ABI3BP: variants seen among roughly 807,000 people sequenced by gnomAD.
ABI3BP encodes the protein ABI family member 3 binding protein.
Under a neutral mutation model 268.6 loss-of-function variants are expected in ABI3BP, and 216 were observed. The ratio of observed to expected loss-of-function variants is 0.80; its 90% CI spans 0.72 to 0.90. ABI3BP has a LOEUF of 0.90. ABI3BP is among the 40% of genes least tolerant of loss of function. The pLI is 0.00. For synonymous variants in ABI3BP, 730 were observed against 730.0 expected, an observed-to-expected ratio of 1.00 and a Z score of 0.00; for missense variants, 2,090 against 2,182.4, an observed-to-expected ratio of 0.96 and a Z score of 0.84.
At chr3:100,960,749 T>C (rs761160204) in intron 1 of ABI3BP, among the ~76,000 whole-genome samples, 2 of 152,178 alleles carry the variant, frequency 1.3e-5, no homozygotes, top group Non-Finnish European at 2.9e-5. Context: ...GTTGGTGGAC[T>C]CTAGAAGCTG....
chr3:100,795,212 C>T (rs1038909550), intron 53 of ABI3BP, among the ~76,000 whole-genome samples: 1 of 152,060 alleles, frequency 6.6e-6, no homozygotes, highest in Non-Finnish European at 1.5e-5. Flanking sequence ...ACATGACATT[C>T]TGTTCTTGAA....
At chr3:100,866,986 T>C (rs2099056752) in intron 9 of ABI3BP, 30 bp from the exon 10 acceptor site, 1 of 1,578,596 alleles carries the variant, frequency 6.3e-7, no homozygotes, top group Non-Finnish European at 8.7e-7. Context: ...ACAATTTATC[T>C]CACTTGCAGT....
chr3:100,960,186 G>T (rs1260342259), intron 1 of ABI3BP, among the ~76,000 whole-genome samples: 2 of 152,024 alleles, frequency 1.3e-5, no homozygotes, highest in Non-Finnish European at 2.9e-5. Flanking sequence ...GAATCAAAGT[G>T]AAATATCAGA....
intron 1 of ABI3BP, chr3:100,945,583 A>ACATGTTCTCTTCACAC: frequency 2.3e-6 from 1 of 435,936 alleles, no homozygotes; most frequent in Non-Finnish European, 4.5e-6. Flanking sequence ...GACTTACATG[A>ACATGTTCTCTTCACAC]CATGTTCTCT....
chr3:100,839,596 G>T lies in ABI3BP; in HGVS notation c.1918C>A (p.Gln640Lys). ...SKPALEPATI[Q>K]PEPLVPTTAS... ...GTTGTGGGCACCAAGGGCTCCGGTT[G>T]TATCGTGGCAGGTTCCAGAGCTACA... Residue 640 changes from glutamine to lysine, a missense_variant, in exon 24 of 68, where the codon CAA becomes AAA. By Grantham distance (53) the Gln-to-Lys change is moderately conservative. Coordinates refer to ENST00000471714, the MANE Select transcript of ABI3BP (RefSeq NM_001375547.2). 1 of 1,535,876 alleles carries T rather than the reference G, an allele frequency of 6.5e-7. No individual in the cohort carries two copies. Among genetic ancestry groups the T allele is most frequent in the South Asian group, 1.2e-5 (1 of 84,060 alleles).
At chr3:100,798,582 A>T (rs1411091683) in intron 51 of ABI3BP, among the ~76,000 whole-genome samples, 2 of 151,858 alleles carry the variant, frequency 1.3e-5, no homozygotes, top group Admixed American at 6.6e-5. Flanking sequence ...TTTAGATTTA[A>T]TTATATTAAC....
At chr3:100,905,386 A>C (rs897791871) in intron 2 of ABI3BP, among the ~76,000 whole-genome samples, 1 of 152,194 alleles carries the variant, frequency 6.6e-6, no homozygotes, top group Non-Finnish European at 1.5e-5. Context: ...TGTTGTGCAC[A>C]GGTACCCTAA....
chr3:100,820,380 T>G, intron 39 of ABI3BP, 77 bp from the exon 40 acceptor site: 1 of 1,167,496 alleles, frequency 8.6e-7, no homozygotes, highest in Non-Finnish European at 1.2e-6. Context: ...CGGTTTGAGA[T>G]CTCTTAAAAC....
At chr3:100,958,803 T>G (rs1157465391) in intron 1 of ABI3BP, among the ~76,000 whole-genome samples, 1 of 152,186 alleles carries the variant, frequency 6.6e-6, no homozygotes, top group African/African-American at 2.4e-5. Context: ...AGCCTGGAAA[T>G]GTAGACTATC....
At chr3:100,893,455 A>G (rs1470207730) in intron 4 of ABI3BP, among the ~76,000 whole-genome samples, 2 of 152,182 alleles carry the variant, frequency 1.3e-5, no homozygotes, top group African/African-American at 4.8e-5. Flanking sequence ...TTAAAGGGGC[A>G]AGAGGAAAAT....
rs572767079 is a variant in ABI3BP, at chr3:100,905,849, TAAATA to T, written c.260-3168_260-3164del. Reference sequence around the variant, plus strand: ...TTTTCTTTACTAAGACATCAAATAGTAAATAAAATAAATAAATAAAATCATGACAA... The same window carrying T: ...TTTTCTTTACTAAGACATCAAATAGTAAATAAATAAATAAAATCATGACAA... On this transcript the variant is annotated intron_variant, in intron 2 of 67. Coordinates refer to ENST00000471714, the MANE Select transcript of ABI3BP (RefSeq NM_001375547.2). Among the ~76,000 whole-genome samples, 221 of 152,066 alleles carry T rather than the reference TAAATA, an allele frequency of 1.5e-3. 1 individual carries two copies. Among genetic ancestry groups the T allele is most frequent in the Non-Finnish European group, 2.6e-3 (176 of 67,958 alleles).
intron 51 of ABI3BP, among the ~76,000 whole-genome samples, chr3:100,797,948 G>A (rs1204445655): frequency 6.6e-6 from 1 of 152,072 alleles, no homozygotes; most frequent in Non-Finnish European, 1.5e-5. Flanking sequence ...TAACATATGA[G>A]AAATTTCCAG....
At position 100,876,560 on chromosome 3, in the gene ABI3BP, G is replaced by A; in HGVS notation, c.697C>T (p.Pro233Ser). The A allele has an allele frequency of 1.2e-6, 2 of 1,612,872 alleles. No homozygotes were observed. Among genetic ancestry groups the A allele is most frequent in the South Asian group, 1.1e-5 (1 of 90,898 alleles). ...QSTYDQDHTV[P>S]AYVPRKLIPI... ...ATTAGTTTCCTTGGGACATATGCTG[G>A]CTGCAAAGAGAAGAAGAAAGTCAAC... The change falls in exon 7 of 68, where the codon CCA (proline) becomes TCA (serine). Residue 233 changes from proline to serine, a missense_variant and splice_region_variant. By Grantham distance (74) the Pro-to-Ser change is moderately conservative (BLOSUM62 -1). Coordinates refer to ENST00000471714, the MANE Select transcript of ABI3BP (RefSeq NM_001375547.2).
chr3:100,813,519 CA>C, intron 45 of ABI3BP, 141 bp downstream of exon 45: 2 of 580,294 alleles, frequency 3.4e-6, no homozygotes, highest in Non-Finnish European at 2.9e-6. Flanking sequence ...TATGGAATCA[CA>C]AAAAAGAGCA....
chr3:100,972,339 T>C (rs1000499203), intron 1 of ABI3BP, among the ~76,000 whole-genome samples: 2 of 152,176 alleles, frequency 1.3e-5, no homozygotes, highest in Non-Finnish European at 2.9e-5. Context: ...ACTTTTAAGA[T>C]GTGAAAATTA....
intron 55 of ABI3BP, among the ~76,000 whole-genome samples, chr3:100,791,061 A>T (rs1341193822): frequency 1.3e-5 from 2 of 151,892 alleles, no homozygotes; most frequent in African/African-American, 4.8e-5. Context: ...ATCACCAAAC[A>T]ATATATGGCC....
chr3:100,885,060 C>T (rs944698252), intron 6 of ABI3BP, among the ~76,000 whole-genome samples: 7 of 152,130 alleles, frequency 4.6e-5, no homozygotes, highest in African/African-American at 1.2e-4. Flanking sequence ...GTTCATAAAA[C>T]GCAAACATTG....
rs201026070 is a variant in ABI3BP at position 100,752,911 on chromosome 3, A to G, written c.4998T>C (p.Asn1666=). The change falls in exon 66 of 68, where the codon AAT becomes AAC. Residue 1666 remains asparagine (N), a synonymous_variant. Coordinates refer to ENST00000471714, the MANE Select transcript of ABI3BP (RefSeq NM_001375547.2). ...RDAIWTERPF[N]SDSYSECKGK... is the part of the protein sequence containing the mutation. ...CCTTACACTCTGAGTAAGAGTCTGAATTAAAGGGTCTTTCAGTCCAGATGG... is the reference window on the plus strand; with the variant it reads ...CCTTACACTCTGAGTAAGAGTCTGAGTTAAAGGGTCTTTCAGTCCAGATGG... 4.6e-4 allele frequency: 750 copies of G among 1,613,310 alleles called. 7 individuals are homozygous for G. Among genetic ancestry groups the G allele is most frequent in the Admixed American group, 3.5e-4 (21 of 59,942 alleles).
chr3:100,818,912 T>C (rs2152588393), intron 40 of ABI3BP, among the ~76,000 whole-genome samples: 1 of 152,342 alleles, frequency 6.6e-6, no homozygotes, highest in South Asian at 2.1e-4. Flanking sequence ...TCCTAGTAAC[T>C]GTTGGCATGT....
Sources: allele counts gnomAD v4.1 joint callset (sites outside exome capture counted in the v4.1 genomes callset), GRCh38; gene constraint gnomAD v4.1.1; transcripts MANE v1.5; gene names NCBI Gene and HGNC (gene_info 2026-07-23, HGNC 2026-07-21).